The following KIF1A variants were observed in gnomAD, a reference collection of about 807,000 sequenced individuals.
The protein encoded by KIF1A is kinesin-like protein KIF1A.
A neutral mutation model predicts 227.3 loss-of-function variants in KIF1A; 46 were observed. The ratio of observed to expected loss-of-function variants is 0.20; its 90% CI spans 0.16 to 0.26. KIF1A has a LOEUF of 0.26. KIF1A is among the 10% of genes least tolerant of loss of function. KIF1A has a pLI of 1.00. For missense variants in KIF1A, 1,683 were observed against 2,485.9 expected, an observed-to-expected ratio of 0.68 and a Z score of 6.87; for synonymous variants, 1,022 against 1,012.8, an observed-to-expected ratio of 1.01 and a Z score of -0.17.
chr2:240,725,294 A>G lies in KIF1A; in HGVS notation c.4233T>C (p.Ser1411=), dbSNP rs1575525327. 1 of 1,607,604 alleles carries G rather than the reference A, an allele frequency of 6.2e-7. No individual in the cohort carries two copies. The change falls in exon 40 of 49, where the codon AGT becomes AGC. Residue 1411 remains serine, a synonymous_variant. Coordinates refer to ENST00000498729, the MANE Select transcript of KIF1A (RefSeq NM_001244008.2). The surrounding 1 kb of genome is among the most constrained non-coding windows in gnomAD (Gnocchi z 5.8). Reference sequence around the variant, plus strand: ...ACCTCTCTGAGGCCCGAAGGCTCCCACTGCCAAAGAGGTTGCGGATGGAGC... The same window carrying G: ...ACCTCTCTGAGGCCCGAAGGCTCCCGCTGCCAAAGAGGTTGCGGATGGAGC... ...ASRSIRNLFG[S]GSLRASESNR...
At chr2:240,796,697 A>G (rs930635888) in intron 2 of KIF1A, among the ~76,000 whole-genome samples, 3 of 152,248 alleles carry the variant, frequency 2.0e-5, no homozygotes, top group African/African-American at 7.2e-5. Flanking sequence ...CCACTGCACC[A>G]TGATTAGCCA....
At chr2:240,765,856 G>C in intron 19 of KIF1A, 63 bp from the exon 20 acceptor site, 1 of 1,209,290 alleles carries the variant, frequency 8.3e-7, no homozygotes, top group South Asian at 1.2e-5. Context: ...ACAGCAGCTC[G>C]GCTTACCTGG....
chr2:240,760,281 G>A (rs1419050605), intron 25 of KIF1A, among the ~76,000 whole-genome samples: 1 of 152,178 alleles, frequency 6.6e-6, no homozygotes, highest in African/African-American at 2.4e-5. Flanking sequence ...GTCCCTCTGG[G>A]GAGCCACCCT....
chr2:240,787,517 T>C (rs1469477924), intron 4 of KIF1A, among the ~76,000 whole-genome samples: 1 of 152,140 alleles, frequency 6.6e-6, no homozygotes, highest in Non-Finnish European at 1.5e-5. Context: ...AACTCAGGGG[T>C]CCCTGGCTGG....
At position 240,758,609 on chromosome 2, in the gene KIF1A, C is replaced by T; in HGVS notation, c.2445-112G>A. On this transcript the variant is annotated intron_variant, in intron 25 of 48. Coordinates refer to ENST00000498729, the MANE Select transcript of KIF1A (RefSeq NM_001244008.2). The surrounding 1 kb of genome is among the most constrained non-coding windows in gnomAD (Gnocchi z 5.2). Reference sequence around the variant, plus strand: ...CTCAGCCTAGCTCTGGCCACCACATCCAGCTCAGGGTCATCAAGGTCCAGG... The same window carrying T: ...CTCAGCCTAGCTCTGGCCACCACATTCAGCTCAGGGTCATCAAGGTCCAGG... The T allele has an allele frequency of 1.7e-6, 2 of 1,157,126 alleles. No individual in the cohort carries two copies. Among genetic ancestry groups the T allele is most frequent in the Non-Finnish European group, 2.3e-6 (2 of 868,640 alleles). The allele number at this position is 1,157,126 out of a possible 1,614,324, so 71.7% of individuals were successfully genotyped here. A position where few individuals can be genotyped will look rare whatever the true frequency, so the allele number is the denominator to read the frequency against.
intron 1 of KIF1A, among the ~76,000 whole-genome samples, chr2:240,812,190 C>T (rs1340594832): frequency 6.6e-6 from 1 of 152,216 alleles, no homozygotes; most frequent in Non-Finnish European, 1.5e-5. Flanking sequence ...GCTCTGGGAC[C>T]ATTTCAGGTT....
rs895134344 is a variant in KIF1A, at chr2:240,723,381, C to G, written c.4464+32G>C. 3 of 1,519,480 alleles carry G rather than the reference C, an allele frequency of 2.0e-6. No homozygotes were observed. In the Admixed American group the frequency reaches 6.1e-5, roughly 31 times the overall value. 94.1% of individuals were successfully genotyped at this position (1,519,480 alleles called of 1,614,324 possible). On this transcript the variant is annotated intron_variant, in intron 42 of 48. Coordinates refer to ENST00000498729, the MANE Select transcript of KIF1A (RefSeq NM_001244008.2). ...GCACACAAAGCCACATGGACACCAC[C>G]GTGCGGGCCTCATCCTCTGAGGCTG...
intron 27 of KIF1A, among the ~76,000 whole-genome samples, chr2:240,756,403 T>C (rs573706699): frequency 6.6e-6 from 1 of 152,348 alleles, no homozygotes; most frequent in Non-Finnish European, 1.5e-5. Context: ...TTCCCTTCCA[T>C]GATAACAGAA....
chr2:240,769,526 G>C (rs1455958227), intron 16 of KIF1A, 101 bp downstream of exon 16: 20 of 964,138 alleles, frequency 2.1e-5, no homozygotes, highest in Non-Finnish European at 2.6e-5. Flanking sequence ...CATGGTGCAG[G>C]TGCCCAGCAC....
rs1575584379 is a variant in KIF1A at position 240,758,908 on chromosome 2, G to A, written c.2445-411C>T. Among the ~76,000 whole-genome samples the A allele has an allele frequency of 6.6e-6, 1 of 152,248 alleles. No individual in the cohort carries two copies. The highest frequency in any genetic ancestry group is 2.4e-5 in the African/African-American group (1 of 41,528). On this transcript the variant is annotated intron_variant, in intron 25 of 48. Coordinates refer to ENST00000498729, the MANE Select transcript of KIF1A (RefSeq NM_001244008.2). This position sits in a 1 kb window ranked among gnomAD's most constrained non-coding sequence, Gnocchi z 5.2. ...GGAATAAAGGGCAAACTGGGGGTAG[G>A]GACACAGAAGACAGAGAAAATAGCC...
Position 240,740,910 on chromosome 2 carries a change from C to G in KIF1A, c.3749+359G>C, listed in dbSNP as rs2047880941. ...AACCTGCCTCCCCAGGGCCTCAGGG[C>G]TCCCCTCCCACCTCCCTCAAAAGTC... On this transcript the variant is annotated intron_variant, in intron 35 of 48. Coordinates refer to ENST00000498729, the MANE Select transcript of KIF1A (RefSeq NM_001244008.2). The surrounding 1 kb of genome is among the most constrained non-coding windows in gnomAD (Gnocchi z 6.1). Among the ~76,000 whole-genome samples the G allele has an allele frequency of 6.6e-6, 1 of 151,968 alleles. No individual in the cohort carries two copies. Among genetic ancestry groups the G allele is most frequent in the African/African-American group, 2.4e-5 (1 of 41,370 alleles).
rs369410320 is a variant in KIF1A at position 240,760,840 on chromosome 2, G to T, written c.2269C>A (p.Gln757Lys). Residue 757 changes from glutamine (Q) to lysine (K), a missense_variant, in exon 25 of 49, where the codon CAA becomes AAA. By Grantham distance (53) the Gln-to-Lys change is moderately conservative (BLOSUM62 1). Transcript: ENST00000498729. The part of the protein sequence containing the change: ...AISVELKKKV[Q>K]FQFVLLTDTL... ...TCCGTCAGGAGGACAAACTGGAATT[G>T]TACCTGTGACAGGGGAAGATGACCA... is the stretch of plus-strand genomic sequence containing the variant. 6 of 1,605,998 alleles carry T rather than the reference G, an allele frequency of 3.7e-6. No homozygotes were observed. The highest frequency in any genetic ancestry group is 5.1e-6 in the Non-Finnish European group (6 of 1,177,180).
intron 34 of KIF1A, among the ~76,000 whole-genome samples, chr2:240,742,378 C>T (rs1457007062): frequency 6.6e-6 from 1 of 152,206 alleles, no homozygotes; most frequent in Non-Finnish European, 1.5e-5. Flanking sequence ...GTCTGGCTGT[C>T]TTCAGCTCTC....
intron 1 of KIF1A, among the ~76,000 whole-genome samples, chr2:240,816,214 G>A (rs748015596): frequency 6.6e-6 from 1 of 151,976 alleles, no homozygotes; most frequent in African/African-American, 2.4e-5. Context: ...GCATAAGCAT[G>A]TGTGTATGTG....
In KIF1A at chr2:240,775,441, G is replaced by T. The variant is rs555859752; in HGVS notation, c.958+410C>A. On this transcript the variant is annotated intron_variant, in intron 11 of 48. Coordinates refer to ENST00000498729, the MANE Select transcript of KIF1A (RefSeq NM_001244008.2). This position sits in a 1 kb window ranked among gnomAD's most constrained non-coding sequence, Gnocchi z 5.5. The stretch of plus-strand genomic sequence containing the variant: ...AAGTCTCACTGCTCAGAACTCAGAC[G>T]GAGAAGAGGAGGTTTATGGCAGCCC... Among the ~76,000 whole-genome samples the T allele has an allele frequency of 6.6e-6, 1 of 152,178 alleles. No homozygotes were observed. The highest frequency in any genetic ancestry group is 1.5e-5 in the Non-Finnish European group (1 of 68,036).
intron 38 of KIF1A, among the ~76,000 whole-genome samples, chr2:240,731,870 T>TG (rs1216528217): frequency 3.7e-5 from 4 of 107,538 alleles, no homozygotes; most frequent in African/African-American, 1.0e-4. Context: ...CTATGGGGAT[T>TG]GGGGGGTAAG....
At chr2:240,804,451 AAGG>A (rs1001119334) in intron 1 of KIF1A, among the ~76,000 whole-genome samples, 1 of 152,142 alleles carries the variant, frequency 6.6e-6, no homozygotes, top group Admixed American at 6.5e-5. Context: ...AAAGAGGAAG[AAGG>A]AGATGGAATT....
At chr2:240,755,891 T>A (rs182870534) in intron 27 of KIF1A, among the ~76,000 whole-genome samples, 58 of 152,046 alleles carry the variant, frequency 3.8e-4, no homozygotes, top group Non-Finnish European at 7.4e-4. Context: ...GAGAGAGGCC[T>A]GCATGGAACT....
intron 1 of KIF1A, among the ~76,000 whole-genome samples, chr2:240,810,762 C>T (rs11896695): frequency 0.014 from 2,103 of 152,270 alleles, 36 homozygotes; most frequent in African/African-American, 0.047. Context: ...CGATCAGCAC[C>T]GAATTCATGG....
Sources: allele counts gnomAD v4.1 joint callset (sites outside exome capture counted in the v4.1 genomes callset), GRCh38; gene constraint gnomAD v4.1.1; non-coding constraint Gnocchi (gnomAD v3.1); transcripts MANE v1.5; gene names NCBI Gene and HGNC (gene_info 2026-07-23, HGNC 2026-07-21).